Variants in ANTXR1 observed in about 807,000 individuals in gnomAD.
The protein encoded by ANTXR1 is anthrax toxin receptor 1.
In ANTXR1, 19 loss-of-function variants were observed where a neutral mutation model predicts 78.1. That is an observed-to-expected ratio of 0.24 (90% CI 0.17 to 0.36). The LOEUF is 0.36. ANTXR1 is among the 10% of genes least tolerant of loss of function. ANTXR1 has a pLI of 1.00. For synonymous variants in ANTXR1, 273 were observed against 260.5 expected (o/e 1.05, Z -0.46); for missense variants, 518 against 718.6 (o/e 0.72, Z 3.19).
At chr2:69,223,406 C>T (rs1435399601) in intron 17 of ANTXR1, among the ~76,000 whole-genome samples, 4 of 152,168 alleles carry the variant, frequency 2.6e-5, no homozygotes, top group Non-Finnish European at 5.9e-5. Context: ...TTCTTTCCTA[C>T]GAATTTACCA....
chr2:69,218,762 G>A (rs541954458), intron 17 of ANTXR1, among the ~76,000 whole-genome samples: 6 of 152,294 alleles, frequency 3.9e-5, no homozygotes. Context: ...CCAGCCCAGA[G>A]TATGTAGCCG....
rs117427985 is a variant in ANTXR1, at chr2:69,122,977, T to C, written c.803-40T>C. On this transcript the variant is annotated intron_variant, in intron 10 of 17. Transcript: ENST00000303714. ...AGTCATTGAATTTGAAATTATAAAC[T>C]CACCTCCCTCTTCTTAATCCAGTGA... 2.5e-3 allele frequency: 4,006 copies of C among 1,595,842 alleles called. 202 individuals are homozygous for C. The East Asian group carries it at 0.07, about 28-fold the overall frequency.
At chr2:69,170,315 T>C (rs1558618718) in intron 14 of ANTXR1, 26 bp downstream of exon 14, 1 of 1,613,506 alleles carries the variant, frequency 6.2e-7, no homozygotes, top group Non-Finnish European at 8.5e-7. Flanking sequence ...AGGATGGCAG[T>C]GGGTGGGCAG....
intron 12 of ANTXR1, among the ~76,000 whole-genome samples, chr2:69,135,585 T>C (rs1230105964): frequency 6.6e-6 from 1 of 152,130 alleles, no homozygotes; most frequent in African/African-American, 2.4e-5. Flanking sequence ...AGAAAGTTAG[T>C]ATAGCTATAT....
At chr2:69,126,954 A>G (rs1052142597) in intron 12 of ANTXR1, among the ~76,000 whole-genome samples, 1 of 152,216 alleles carries the variant, frequency 6.6e-6, no homozygotes, top group Non-Finnish European at 1.5e-5. Context: ...GTTTACAACA[A>G]AATTATAACC....
chr2:69,173,360 T>A (rs929666554), intron 14 of ANTXR1, among the ~76,000 whole-genome samples: 4 of 152,198 alleles, frequency 2.6e-5, no homozygotes, highest in African/African-American at 9.6e-5. Context: ...TCTCTCAGTT[T>A]CCATCTTTCA....
intron 10 of ANTXR1, among the ~76,000 whole-genome samples, chr2:69,116,240 C>T (rs1183996777): frequency 1.3e-5 from 2 of 152,052 alleles, no homozygotes; most frequent in African/African-American, 2.4e-5. Context: ...GTAATAAGAC[C>T]CCCCTAACAC....
chr2:69,059,054 G>A (rs1033234218), intron 3 of ANTXR1, among the ~76,000 whole-genome samples: 5 of 152,164 alleles, frequency 3.3e-5, no homozygotes, highest in Admixed American at 6.5e-5. Context: ...GATTCTTAAC[G>A]ATGAGCAAAG....
chr2:69,219,627 C>G (rs371547088), intron 17 of ANTXR1, among the ~76,000 whole-genome samples: 3 of 152,124 alleles, frequency 2.0e-5, no homozygotes, highest in East Asian at 3.8e-4. Context: ...CTTTGTGTAT[C>G]ACAAACCTTT....
intron 3 of ANTXR1, among the ~76,000 whole-genome samples, chr2:69,069,995 G>A (rs57702240): frequency 0.021 from 3,218 of 152,274 alleles, 111 homozygotes; most frequent in African/African-American, 0.072. Flanking sequence ...TTACATCCCA[G>A]AGAGAATGGT....
intron 13 of ANTXR1, among the ~76,000 whole-genome samples, chr2:69,153,213 G>T (rs1380213491): frequency 1.3e-5 from 2 of 152,176 alleles, no homozygotes; most frequent in Non-Finnish European, 2.9e-5. Flanking sequence ...GCCTCTCCAG[G>T]ACAGGGACTC....
chr2:69,059,781 C>T (rs971321147), intron 3 of ANTXR1, among the ~76,000 whole-genome samples: 3 of 152,144 alleles, frequency 2.0e-5, no homozygotes, highest in African/African-American at 7.2e-5. Flanking sequence ...TTTCAATATT[C>T]ACTTTATCTT....
chr2:69,155,844 G>T (rs916466948), intron 13 of ANTXR1, among the ~76,000 whole-genome samples: 1 of 152,176 alleles, frequency 6.6e-6, no homozygotes, highest in Admixed American at 6.5e-5. Context: ...CTAAATTTCA[G>T]CAGGTAGCAA....
intron 13 of ANTXR1, among the ~76,000 whole-genome samples, chr2:69,157,359 T>C (rs182174552): frequency 1.3e-5 from 2 of 152,122 alleles, no homozygotes; most frequent in East Asian, 3.9e-4. Flanking sequence ...TCCCACAACT[T>C]CAACTACTTA....
At position 69,096,298 on chromosome 2, in the gene ANTXR1, G is replaced by C. The variant is rs7582428; in HGVS notation, c.703+5379G>C. The stretch of plus-strand genomic sequence containing the variant: ...GAAGGAAGGAAGGAAGGGAGGAAGG[G>C]AGGAAGGGAGGAAGGGAGGAAGGGA... On this transcript the variant is annotated intron_variant, in intron 9 of 17. Transcript: ENST00000303714. Among the ~76,000 whole-genome samples the C allele has an allele frequency of 2.6e-3, 49 of 18,996 alleles. 5 individuals are homozygous for C. In the South Asian group the frequency reaches 0.067, roughly 26 times the overall value. 12.5% of individuals were successfully genotyped at this position (18,996 alleles called of 152,430 possible). A position where few individuals can be genotyped will look rare whatever the true frequency, so the allele number is the denominator to read the frequency against.
At chr2:69,039,946 A>G in intron 1 of ANTXR1, 98 bp from the exon 2 acceptor site, 1 of 977,462 alleles carries the variant, frequency 1.0e-6, no homozygotes, top group Non-Finnish European at 1.6e-6. Flanking sequence ...CAGTTATTGG[A>G]GAGGTCAAAT....
At chr2:69,027,024 G>T (rs1435516321) in intron 1 of ANTXR1, among the ~76,000 whole-genome samples, 2 of 152,138 alleles carry the variant, frequency 1.3e-5, no homozygotes, top group East Asian at 3.9e-4. Flanking sequence ...TTGCCAAATT[G>T]TAAAAAAATA....
intron 16 of ANTXR1, among the ~76,000 whole-genome samples, chr2:69,190,831 C>G (rs1674528272): frequency 6.6e-6 from 1 of 152,182 alleles, no homozygotes; most frequent in East Asian, 1.9e-4. Flanking sequence ...ATGCATGTAA[C>G]TTTAAATTTC....
chr2:69,127,940 C>T (rs1338955553), intron 12 of ANTXR1, among the ~76,000 whole-genome samples: 1 of 152,088 alleles, frequency 6.6e-6, no homozygotes, highest in African/African-American at 2.4e-5. Context: ...AGTTGTTTAG[C>T]CCCTAGCCAG....
Sources: allele counts gnomAD v4.1 joint callset (sites outside exome capture counted in the v4.1 genomes callset), GRCh38; gene constraint gnomAD v4.1.1; transcripts MANE v1.5; gene names NCBI Gene and HGNC (gene_info 2026-07-23, HGNC 2026-07-21).